BSN: variants seen among roughly 807,000 people sequenced by gnomAD.
The protein encoded by BSN is bassoon presynaptic cytomatrix protein.
Under a neutral mutation model 264.8 loss-of-function variants are expected in BSN, and 57 were observed. The ratio of observed to expected loss-of-function variants is 0.22; its 90% CI spans 0.17 to 0.27. BSN has a LOEUF of 0.27. Ranked by LOEUF, BSN falls within the 10% of genes least tolerant of loss-of-function variation. The probability of loss-of-function intolerance (pLI) is 1.00; values close to 1 mark genes in which losing one functional copy is unlikely to be tolerated. For missense variants in BSN, 4,615 were observed against 5,232.5 expected, an observed-to-expected ratio of 0.88 and a Z score of 3.64; for synonymous variants, 2,059 against 2,137.3, an observed-to-expected ratio of 0.96 and a Z score of 1.01.
rs2052652972 is a variant in BSN, at chr3:49,661,377, A to G, written c.9532A>G (p.Thr3178Ala). The G allele has an allele frequency of 1.2e-6, 2 of 1,613,848 alleles. No homozygotes were observed. The highest frequency in any genetic ancestry group is 3.3e-5 in the Admixed American group (2 of 60,018). Reference protein sequence around the residue: ...VVPMSSAPSETSYSGPAVSSG... With the variant: ...VVPMSSAPSEASYSGPAVSSG... Reference sequence around the variant, plus strand: ...GCCCATGTCTTCAGCCCCATCTGAAACCAGCTACAGTGGCCCAGCAGTGAG... The same window carrying G: ...GCCCATGTCTTCAGCCCCATCTGAAGCCAGCTACAGTGGCCCAGCAGTGAG... The change falls in exon 6 of 12, where the codon ACC (threonine) becomes GCC (alanine). Residue 3178 changes from threonine to alanine, a missense_variant. Thr to Ala is a moderately conservative substitution (Grantham distance 58). Transcript: ENST00000296452.
Position 49,625,139 on chromosome 3 carries a change from AGGTAGACAGC to A in BSN, c.390_399del (p.Val131GlyfsTer79). On this transcript the variant is annotated frameshift_variant, in exon 2 of 12. Coordinates refer to ENST00000296452, the MANE Select transcript of BSN (RefSeq NM_003458.4). LOFTEE classifies it high-confidence loss of function. The surrounding 1 kb of genome is among the most constrained non-coding windows in gnomAD (Gnocchi z 4.4). ...GCTGATGGTCCCCGCAGGACGCTGCAGGTAGACAGCAGGACACAGAGATCAGGGCGGTCCC... is the reference window on the plus strand; with the variant it reads ...GCTGATGGTCCCCGCAGGACGCTGCAAGGACACAGAGATCAGGGCGGTCCC... 6.3e-7 allele frequency: 1 copy of A among 1,592,236 alleles called. No homozygotes were observed. The highest frequency in any genetic ancestry group is 8.6e-7 in the Non-Finnish European group (1 of 1,169,220).
intron 3 of BSN, among the ~76,000 whole-genome samples, chr3:49,646,663 C>G (rs2052505166): frequency 6.6e-6 from 1 of 152,138 alleles, no homozygotes; most frequent in Non-Finnish European, 1.5e-5. Context: ...CAGGAGTATC[C>G]TAAAAGAGGG....
chr3:49,664,400 T>C, intron 8 of BSN, 23 bp from the exon 9 acceptor site: 12 of 1,613,668 alleles, frequency 7.4e-6, no homozygotes, highest in Non-Finnish European at 1.0e-5. Context: ...CATAGCTCAT[T>C]ATGGCGATTT....
Position 49,653,534 on chromosome 3 carries a change from C to G in BSN, c.3978C>G (p.Pro1326=). Residue 1326 remains proline (P), a synonymous_variant, in exon 5 of 12, where the codon CCC becomes CCG. Transcript: ENST00000296452. This position sits in a 1 kb window ranked among gnomAD's most constrained non-coding sequence, Gnocchi z 6.3. ...QLAAPVSFST[P]TSSDSSGGRV... ...CTGCCCCTGTGTCCTTCTCTACCCC[C>G]ACCTCCTCAGACAGCAGCGGGGGCC... 6.2e-7 allele frequency: 1 copy of G among 1,613,986 alleles called. No individual in the cohort carries two copies. Among genetic ancestry groups the G allele is most frequent in the Non-Finnish European group, 8.5e-7 (1 of 1,179,970 alleles).
chr3:49,671,329 C>A lies in BSN; in HGVS notation c.*3844C>A, dbSNP rs1230842146. On this transcript the variant is annotated 3_prime_UTR_variant, in exon 12 of 12. Transcript: ENST00000296452. This position sits in a 1 kb window ranked among gnomAD's most constrained non-coding sequence, Gnocchi z 4.1. ...CCTCCCTCTCTCCCTTTCTTTCCTT[C>A]TCTCCTTCTTTATTTGAGGGGGGAA... 6.6e-6 allele frequency: 1 copy of A among 152,624 alleles called. No individual in the cohort carries two copies. The highest frequency in any genetic ancestry group is 1.5e-5 in the Non-Finnish European group (1 of 68,052). 9.5% of individuals were successfully genotyped at this position (152,624 alleles called of 1,614,324 possible).
chr3:49,634,049 C>CA (rs541708708), intron 2 of BSN, among the ~76,000 whole-genome samples: 8 of 151,036 alleles, frequency 5.3e-5, no homozygotes, highest in Middle Eastern at 3.4e-3. Flanking sequence ...TACTAAAATA[C>CA]AAAAAAAAAT....
chr3:49,671,749 C>G (rs2052768786), downstream of BSN, among the ~76,000 whole-genome samples: 1 of 152,236 alleles, frequency 6.6e-6, no homozygotes, highest in African/African-American at 2.4e-5. This position sits in a 1 kb window ranked among gnomAD's most constrained non-coding sequence, Gnocchi z 4.1. Context: ...GGGGAGGTCC[C>G]AAGCTTGGAC....
chr3:49,614,973 C>T (rs1163103760), intron 1 of BSN, among the ~76,000 whole-genome samples: 1 of 152,158 alleles, frequency 6.6e-6, no homozygotes, highest in Non-Finnish European at 1.5e-5. Context: ...GGTGGTCTCC[C>T]CGTCTGATGC....
At chr3:49,560,434 T>C (rs1447778832) in intron 1 of BSN, among the ~76,000 whole-genome samples, 1 of 152,244 alleles carries the variant, frequency 6.6e-6, no homozygotes, top group Non-Finnish European at 1.5e-5. Context: ...TCCACCTGCT[T>C]GGCCATTCAG....
At chr3:49,606,739 C>T (rs2052155663) in intron 1 of BSN, among the ~76,000 whole-genome samples, 1 of 152,120 alleles carries the variant, frequency 6.6e-6, no homozygotes, top group African/African-American at 2.4e-5. Flanking sequence ...CCACTCTGTT[C>T]TCTGGAACTA....
rs2052440522 is a variant in BSN, at chr3:49,638,973, G to T, written c.634-3295G>T. Among the ~76,000 whole-genome samples the T allele has an allele frequency of 6.6e-6, 1 of 152,136 alleles. No homozygotes were observed. Among genetic ancestry groups the T allele is most frequent in the South Asian group, 2.1e-4 (1 of 4,828 alleles). ...TTGTGGCTGCCACCCTGGGCCAGAG[G>T]CTGAGCTTCCCCTCTGAGGAGTAAT... is the stretch of plus-strand genomic sequence containing the variant. On this transcript the variant is annotated intron_variant, in intron 2 of 11. Transcript: ENST00000296452. The surrounding 1 kb of genome is among the most constrained non-coding windows in gnomAD (Gnocchi z 4.3).
chr3:49,574,284 A>G (rs1036153901), intron 1 of BSN, among the ~76,000 whole-genome samples: 1 of 151,948 alleles, frequency 6.6e-6, no homozygotes, highest in Non-Finnish European at 1.5e-5. Context: ...ACTTTTAAAA[A>G]CATGTTTTTG....
rs373281408 is a variant in BSN at position 49,663,185 on chromosome 3, G to T, written c.11027G>T (p.Arg3676Leu). The change falls in exon 7 of 12, where the codon CGC becomes CTC. Residue 3676 changes from arginine to leucine, a missense_variant. Transcript: ENST00000296452. ...AAACCACACGCTCGGGACCTGGGTC[G>T]CCATGAGGCCCGGCCCCACTCTCAG... ...AAKPHARDLG[R>L]HEARPHSQPS... 1.2e-6 allele frequency: 2 copies of T among 1,613,682 alleles called. No individual in the cohort carries two copies. The highest frequency in any genetic ancestry group is 1.7e-6 in the Non-Finnish European group (2 of 1,179,970).
At position 49,588,218 on chromosome 3, in the gene BSN, G is replaced by A. The variant is rs140360310; in HGVS notation, c.224+33392G>A. Reference sequence around the variant, plus strand: ...ATTACAGGTGTGAGCCACTGCACCCGGCCGGGATTTTCCTTTTGATTCAGT... The same window carrying A: ...ATTACAGGTGTGAGCCACTGCACCCAGCCGGGATTTTCCTTTTGATTCAGT... On this transcript the variant is annotated intron_variant, in intron 1 of 11. Coordinates refer to ENST00000296452, the MANE Select transcript of BSN (RefSeq NM_003458.4). Among the ~76,000 whole-genome samples, 298 of 152,118 alleles carry A rather than the reference G, an allele frequency of 2.0e-3. 4 individuals carry two copies. In the Middle Eastern group the frequency reaches 0.02, roughly 10 times the overall value.
intron 3 of BSN, among the ~76,000 whole-genome samples, chr3:49,648,731 T>C (rs950501326): frequency 6.6e-6 from 1 of 152,142 alleles, no homozygotes; most frequent in Non-Finnish European, 1.5e-5. Flanking sequence ...CTTACTGCCT[T>C]GTGGGGTTTT....
intron 1 of BSN, among the ~76,000 whole-genome samples, chr3:49,598,801 G>C (rs76499777): frequency 0.011 from 1,732 of 152,274 alleles, 32 homozygotes; most frequent in African/African-American, 0.04. Context: ...ATTCAACATA[G>C]TAATGGAAGT....
At chr3:49,592,554 C>A (rs1029351201) in intron 1 of BSN, among the ~76,000 whole-genome samples, 1 of 150,474 alleles carries the variant, frequency 6.6e-6, no homozygotes, top group South Asian at 2.1e-4. Flanking sequence ...GAGATGGAGA[C>A]TATCCTGGCT....
chr3:49,625,404 T>C lies in BSN; in HGVS notation c.633+21T>C, dbSNP rs1170727603. 3 of 1,447,856 alleles carry C rather than the reference T, an allele frequency of 2.1e-6. No homozygotes were observed. Among genetic ancestry groups the C allele is most frequent in the Non-Finnish European group, 2.7e-6 (3 of 1,101,634 alleles). 89.7% of individuals were successfully genotyped at this position (1,447,856 alleles called of 1,614,324 possible). A position where few individuals can be genotyped will look rare whatever the true frequency, so the allele number is the denominator to read the frequency against. ...CCCAGGTAACCACTTCTGCGCCGGC[T>C]CCCCACTCACCTGCTACCTCATTAC... On this transcript the variant is annotated intron_variant, in intron 2 of 11. Coordinates refer to ENST00000296452, the MANE Select transcript of BSN (RefSeq NM_003458.4). The surrounding 1 kb of genome is among the most constrained non-coding windows in gnomAD (Gnocchi z 4.4).
At chr3:49,629,721 CG>C (rs2052370743) in intron 2 of BSN, among the ~76,000 whole-genome samples, 1 of 152,246 alleles carries the variant, frequency 6.6e-6, no homozygotes, top group African/African-American at 2.4e-5. Context: ...AAGGGGCCCA[CG>C]CTCTGCCCCT....
Sources: gnomAD v4.1 joint callset for allele counts (sites outside exome capture counted in the v4.1 genomes callset) on GRCh38, gnomAD v4.1.1 for gene constraint, Gnocchi (gnomAD v3.1) non-coding constraint, MANE v1.5 for transcripts, NCBI Gene and HGNC (gene_info 2026-07-23, HGNC 2026-07-21) for gene names.